Variants in C21orf91 observed in about 807,000 individuals in gnomAD.
C21orf91 encodes protein EURL homolog.
In C21orf91, 26 loss-of-function variants were observed where a neutral mutation model predicts 32.9. The ratio of observed to expected loss-of-function variants is 0.79; its 90% confidence interval spans 0.58 to 1.10. C21orf91 has a LOEUF of 1.10. Among genes scored for constraint, C21orf91 ranks in the 50% least tolerant of loss-of-function variants. The probability of loss-of-function intolerance (pLI) is 0.00; values close to 1 mark genes in which losing one functional copy is unlikely to be tolerated. For missense variants in C21orf91, 310 were observed against 341.3 expected (o/e 0.91, Z 0.72); for synonymous variants, 126 against 120.4 (o/e 1.05, Z -0.31).
At chr21:17,795,341 A>G in intron 3 of C21orf91, 71 bp from the exon 4 acceptor site, 2 of 990,968 alleles carry the variant, frequency 2.0e-6, no homozygotes, top group South Asian at 2.6e-5. Context: ...TCACCAACAC[A>G]ATATCCTATT....
At chr21:17,798,028 G>T (rs2062532852) in intron 2 of C21orf91, among the ~76,000 whole-genome samples, 1 of 152,030 alleles carries the variant, frequency 6.6e-6, no homozygotes, top group South Asian at 2.1e-4. Flanking sequence ...AAGTTAAACA[G>T]CGCTACTTTT....
intron 2 of C21orf91, among the ~76,000 whole-genome samples, chr21:17,817,348 G>A (rs1000863955): frequency 4.0e-5 from 6 of 151,894 alleles, no homozygotes; most frequent in African/African-American, 7.3e-5. Context: ...AGAAAATAAA[G>A]ATCATGAAAA....
intron 2 of C21orf91, among the ~76,000 whole-genome samples, chr21:17,804,695 G>T (rs972026713): frequency 2.0e-5 from 3 of 152,206 alleles, no homozygotes; most frequent in Admixed American, 2.0e-4. Flanking sequence ...CCATTTTAAA[G>T]TTCCTGTGTG....
At chr21:17,800,248 CTGAG>C (rs2062549854) in intron 2 of C21orf91, among the ~76,000 whole-genome samples, 4 of 152,188 alleles carry the variant, frequency 2.6e-5, no homozygotes, top group African/African-American at 9.6e-5. Context: ...AAAAACCTGA[CTGAG>C]TTTTAAAGTT....
chr21:17,797,366 T>C (rs1301398517), intron 2 of C21orf91, among the ~76,000 whole-genome samples: 4 of 152,050 alleles, frequency 2.6e-5, no homozygotes, highest in Non-Finnish European at 5.9e-5. Flanking sequence ...AATCCTAGTC[T>C]AGAGATGTTA....
chr21:17,795,874 A>G (rs1355766311), intron 3 of C21orf91, among the ~76,000 whole-genome samples: 1 of 152,328 alleles, frequency 6.6e-6, no homozygotes, highest in South Asian at 2.1e-4. Flanking sequence ...GGTATCTCCT[A>G]TTCGGTTTCA....
chr21:17,797,380 C>A (rs952128100), intron 2 of C21orf91, among the ~76,000 whole-genome samples: 1 of 151,824 alleles, frequency 6.6e-6, no homozygotes, highest in Non-Finnish European at 1.5e-5. Context: ...GATGTTACTG[C>A]ACGATATAAA....
At chr21:17,802,729 C>T (rs1411405978) in intron 2 of C21orf91, among the ~76,000 whole-genome samples, 1 of 152,214 alleles carries the variant, frequency 6.6e-6, no homozygotes, top group Non-Finnish European at 1.5e-5. Context: ...TGATGATTCA[C>T]CAGCTGGTCC....
intron 2 of C21orf91, among the ~76,000 whole-genome samples, chr21:17,807,819 A>C (rs2062608100): frequency 6.6e-6 from 1 of 152,184 alleles, no homozygotes; most frequent in Non-Finnish European, 1.5e-5. Context: ...TGGTGGAAGA[A>C]ATTTCTAAGC....
intron 2 of C21orf91, among the ~76,000 whole-genome samples, chr21:17,802,428 TG>T (rs1223048041): frequency 2.0e-5 from 3 of 152,244 alleles, no homozygotes; most frequent in African/African-American, 7.2e-5. Context: ...AGCAAAGTGC[TG>T]GGATTACATG....
chr21:17,809,673 T>G (rs2062619716), intron 2 of C21orf91, among the ~76,000 whole-genome samples: 1 of 152,200 alleles, frequency 6.6e-6, no homozygotes, highest in African/African-American at 2.4e-5. Context: ...ATATAATTTA[T>G]TTATTCTATT....
rs966295825 is a variant in C21orf91 at position 17,789,513 on chromosome 21, C to G, written c.*3902G>C. On this transcript the variant is annotated 3_prime_UTR_variant, in exon 5 of 5. Coordinates refer to ENST00000284881, the MANE Select transcript of C21orf91 (RefSeq NM_001100420.2). ...ATGAATTTTTGTTTACTTTGGTAAA[C>G]TTAAAATTGTGAAATAATTAAATAT... The G allele has an allele frequency of 1.3e-4, 19 of 151,974 alleles. No individual in the cohort carries two copies. Among genetic ancestry groups the G allele is most frequent in the African/African-American group, 4.3e-4 (18 of 41,380 alleles). The allele number at this position is 151,974 out of a possible 1,614,324, so 9.4% of individuals were successfully genotyped here.
At chr21:17,796,550 C>A (rs779826361) in intron 3 of C21orf91, 32 bp downstream of exon 3, 1 of 1,561,772 alleles carries the variant, frequency 6.4e-7, no homozygotes, top group African/African-American at 1.4e-5. Flanking sequence ...CCCAAACCAC[C>A]CAACTTTTAC....
At chr21:17,810,961 T>TC (rs1342166676) in intron 2 of C21orf91, 3 of 152,248 alleles carry the variant, frequency 2.0e-5, no homozygotes, top group African/African-American at 7.2e-5. Context: ...GAATGTGTAT[T>TC]CATTAAATAT....
chr21:17,811,897 A>G (rs1231456485), intron 2 of C21orf91, among the ~76,000 whole-genome samples: 1 of 152,146 alleles, frequency 6.6e-6, no homozygotes, highest in Admixed American at 6.5e-5. Flanking sequence ...ATTTTTATCA[A>G]TGACTTAAAA....
chr21:17,806,964 T>C (rs768715595), intron 2 of C21orf91, among the ~76,000 whole-genome samples: 4 of 152,186 alleles, frequency 2.6e-5, no homozygotes, highest in Non-Finnish European at 4.4e-5. Flanking sequence ...CAACTGAGAA[T>C]TGAGATCTCC....
At chr21:17,798,707 G>C (rs925987586) in intron 2 of C21orf91, among the ~76,000 whole-genome samples, 1 of 152,118 alleles carries the variant, frequency 6.6e-6, no homozygotes, top group Non-Finnish European at 1.5e-5. Flanking sequence ...AGCTTTATTT[G>C]ATAATAGAGT....
In C21orf91 at chr21:17,792,857, C is replaced by T. The variant is rs1025987805; in HGVS notation, c.*558G>A. On this transcript the variant is annotated 3_prime_UTR_variant, in exon 5 of 5. Transcript: ENST00000284881. ...GAAAGCAAGGTAACCGTTGTGAAAA[C>T]ATTGTATTAAGAGAATAAAATGCAG... 7 of 152,516 alleles carry T rather than the reference C, an allele frequency of 4.6e-5. No homozygotes were observed. Among genetic ancestry groups the T allele is most frequent in the Non-Finnish European group, 1.0e-4 (7 of 67,992 alleles). 9.4% of individuals were successfully genotyped at this position (152,516 alleles called of 1,614,324 possible).
chr21:17,808,389 T>C (rs961016850), intron 2 of C21orf91, among the ~76,000 whole-genome samples: 2 of 152,228 alleles, frequency 1.3e-5, no homozygotes, highest in Admixed American at 6.5e-5. Flanking sequence ...GGCAGAAGTC[T>C]GCTGCAGGGG....
Sources: allele counts gnomAD v4.1 joint callset (sites outside exome capture counted in the v4.1 genomes callset), GRCh38; gene constraint gnomAD v4.1.1; transcripts MANE v1.5; gene names NCBI Gene and HGNC (gene_info 2026-07-23, HGNC 2026-07-21).